Variants in GRIP1 observed in about 807,000 individuals in gnomAD.
The protein encoded by GRIP1 is glutamate receptor-interacting protein 1.
In GRIP1, 45 loss-of-function variants were observed where a neutral mutation model predicts 129.9. The observed-to-expected ratio is 0.35, with a 90% CI of 0.27 to 0.44. The LOEUF (loss-of-function observed/expected upper bound fraction) is 0.44, where lower values mean the gene tolerates loss of function less well. Ranked by LOEUF, GRIP1 falls within the 20% of genes least tolerant of loss-of-function variation. GRIP1 has a pLI of 1.00. For missense variants in GRIP1, 1,196 were observed against 1,396.8 expected, an observed-to-expected ratio of 0.86 and a Z score of 2.29; for synonymous variants, 530 against 520.8, an observed-to-expected ratio of 1.02 and a Z score of -0.24.
At position 67,051,713 on chromosome 12, in the gene GRIP1, C is replaced by T. The variant is rs75938691; in HGVS notation, c.58+17337G>A. Among the ~76,000 whole-genome samples, 26 of 152,328 alleles carry T rather than the reference C, an allele frequency of 1.7e-4. No homozygotes were observed. The East Asian group carries it at 4.6e-3, about 27-fold the overall frequency. On this transcript the variant is annotated intron_variant, in intron 1 of 1. Transcript: ENST00000643019. ...TTTCCAGTAGCAGAAGAGATCTGAG[C>T]TGGCAAAACGCATCCCGTCAGATCC... is the stretch of plus-strand genomic sequence containing the variant.
intron 13 of GRIP1, among the ~76,000 whole-genome samples, chr12:66,432,965 G>C (rs561004158): frequency 1.5e-4 from 23 of 152,246 alleles, no homozygotes; most frequent in Admixed American, 1.4e-3. Flanking sequence ...CTCTAAAGAT[G>C]AGGCCTAGAG....
intron 2 of GRIP1, among the ~76,000 whole-genome samples, chr12:66,546,856 G>A (rs1728194667): frequency 7.4e-6 from 1 of 135,220 alleles, no homozygotes; most frequent in Non-Finnish European, 1.6e-5. Flanking sequence ...TTAGCGAAGG[G>A]TTTCTAGACT....
chr12:66,853,142 CTG>C (rs1281128283), intron 1 of GRIP1, among the ~76,000 whole-genome samples: 2 of 151,494 alleles, frequency 1.3e-5, no homozygotes, highest in Admixed American at 6.6e-5. Flanking sequence ...TTTCTTCCGA[CTG>C]TAATTCTCAA....
intron 1 of GRIP1, among the ~76,000 whole-genome samples, chr12:66,741,482 C>T (rs1451386574): frequency 6.6e-6 from 1 of 152,130 alleles, no homozygotes; most frequent in Non-Finnish European, 1.5e-5. Flanking sequence ...AAAAGATAGT[C>T]CCACCAACAG....
At chr12:66,463,791 C>T (rs934090161) in intron 8 of GRIP1, among the ~76,000 whole-genome samples, 10 of 152,090 alleles carry the variant, frequency 6.6e-5, no homozygotes, top group Non-Finnish European at 1.5e-4. Flanking sequence ...GAGCTGGCTA[C>T]TGGATGAGTT....
chr12:66,914,913 C>T (rs771320070), intron 1 of GRIP1, among the ~76,000 whole-genome samples: 2 of 152,150 alleles, frequency 1.3e-5, no homozygotes, highest in Non-Finnish European at 2.9e-5. Flanking sequence ...TCACTTGAAT[C>T]CAGGAGTTTG....
intron 1 of GRIP1, among the ~76,000 whole-genome samples, chr12:66,914,092 A>C (rs2041078275): frequency 6.6e-6 from 1 of 152,194 alleles, no homozygotes. Context: ...CTACAGAAGG[A>C]CACTATGAGA....
chr12:66,940,794 C>T (rs949594049), intron 1 of GRIP1, among the ~76,000 whole-genome samples: 4 of 152,250 alleles, frequency 2.6e-5, no homozygotes, highest in East Asian at 1.9e-4. Flanking sequence ...TCATAAATTT[C>T]GCCCACTAAA....
At chr12:66,375,293 AC>A (rs1446150305) in intron 22 of GRIP1, among the ~76,000 whole-genome samples, 1 of 152,170 alleles carries the variant, frequency 6.6e-6, no homozygotes, top group Admixed American at 6.5e-5. Context: ...CTAAAGTTGA[AC>A]CTAAATTATT....
At chr12:66,534,857 C>T (rs1455103583) in intron 4 of GRIP1, among the ~76,000 whole-genome samples, 1 of 152,130 alleles carries the variant, frequency 6.6e-6, no homozygotes, top group East Asian at 1.9e-4. Context: ...CCATGCCTGG[C>T]TAATTTTTGT....
At chr12:66,523,597 G>A (rs1368245467) in intron 5 of GRIP1, among the ~76,000 whole-genome samples, 5 of 151,760 alleles carry the variant, frequency 3.3e-5, no homozygotes, top group African/African-American at 7.3e-5. Context: ...AAAGACCATC[G>A]AGACTAGGAA....
At chr12:66,945,569 AG>A (rs1453215568) in intron 1 of GRIP1, among the ~76,000 whole-genome samples, 3 of 147,058 alleles carry the variant, frequency 2.0e-5, no homozygotes, top group African/African-American at 5.0e-5. Context: ...AGAGAGTGGG[AG>A]GGGGTGGGAG....
intron 1 of GRIP1, among the ~76,000 whole-genome samples, chr12:66,836,157 T>C (rs1159166899): frequency 1.3e-5 from 2 of 152,156 alleles, no homozygotes; most frequent in African/African-American, 2.4e-5. Flanking sequence ...TCCTGCTGTG[T>C]TTCAGGATCT....
At chr12:66,948,830 C>A (rs2041710976) in intron 1 of GRIP1, among the ~76,000 whole-genome samples, 1 of 148,682 alleles carries the variant, frequency 6.7e-6, no homozygotes, top group South Asian at 2.2e-4. Flanking sequence ...CTTCCTACCA[C>A]AGAAAAATGA....
chr12:66,888,094 G>C (rs926597543), intron 1 of GRIP1, among the ~76,000 whole-genome samples: 1 of 152,042 alleles, frequency 6.6e-6, no homozygotes, highest in African/African-American at 2.4e-5. Context: ...GTCTCTCTCT[G>C]TTGCCCAGGC....
intron 1 of GRIP1, among the ~76,000 whole-genome samples, chr12:66,629,935 C>G (rs944787906): frequency 6.6e-6 from 1 of 152,106 alleles, no homozygotes; most frequent in Non-Finnish European, 1.5e-5. Context: ...CTTTGAATCT[C>G]GGGTTTTTAC....
At chr12:66,370,038 T>C (rs2055398240) in intron 23 of GRIP1, among the ~76,000 whole-genome samples, 1 of 152,202 alleles carries the variant, frequency 6.6e-6, no homozygotes. Flanking sequence ...TAGACTCTGG[T>C]CATGTTAGAA....
At chr12:66,819,023 T>C (rs1202433012) in intron 1 of GRIP1, among the ~76,000 whole-genome samples, 1 of 152,230 alleles carries the variant, frequency 6.6e-6, no homozygotes, top group Non-Finnish European at 1.5e-5. Flanking sequence ...TAAATGTCTT[T>C]TACATGTATT....
At chr12:66,952,981 T>C (rs1229713740) in intron 1 of GRIP1, among the ~76,000 whole-genome samples, 1 of 152,206 alleles carries the variant, frequency 6.6e-6, no homozygotes, top group Non-Finnish European at 1.5e-5. Flanking sequence ...ATGCCACACA[T>C]AGATATTTAA....
Sources: allele counts gnomAD v4.1 joint callset (sites outside exome capture counted in the v4.1 genomes callset), GRCh38; gene constraint gnomAD v4.1.1; transcripts MANE v1.5; gene names NCBI Gene and HGNC (gene_info 2026-07-23, HGNC 2026-07-21).